MALAT1: variants seen among roughly 807,000 people sequenced by gnomAD.
The protein encoded by MALAT1 is metastasis associated lung adenocarcinoma transcript 1, also known as hepcarcin.
At chr11:65,502,260 T>G in exon 3 of MALAT1, 1 of 516,350 alleles carries the variant, frequency 1.9e-6, no homozygotes, top group South Asian at 1.4e-5. Context: ...GATATGGTAG[T>G]GTGTGGTTCT....
chr11:65,499,489 T>C (rs1407829414), exon 3 of MALAT1: 1 of 464,880 alleles, frequency 2.2e-6, no homozygotes, highest in African/African-American at 2.0e-5. Context: ...GAAGGCGATC[T>C]TTTAAAAAGA....
chr11:65,497,786 G>T (rs1157659806), exon 1 of MALAT1: 1 of 481,688 alleles, frequency 2.1e-6, no homozygotes, highest in South Asian at 1.5e-5. Context: ...CCCCGCAACT[G>T]GCCTCTCCTG....
At chr11:65,502,450 A>T (rs535944691) in exon 3 of MALAT1, 1 of 500,448 alleles carries the variant, frequency 2.0e-6, no homozygotes. Flanking sequence ...TAGGAGAAAT[A>T]CTTTTCCATT....
chr11:65,500,394 C>T (rs763366134), exon 3 of MALAT1: 3 of 518,892 alleles, frequency 5.8e-6, no homozygotes, highest in Non-Finnish European at 1.2e-5. Context: ...TGACAGCTGA[C>T]CCAGGTGCTA....
chr11:65,501,394 C>T (rs746087047), exon 3 of MALAT1: 3 of 518,190 alleles, frequency 5.8e-6, no homozygotes, highest in South Asian at 1.4e-5. Context: ...GAGCAGTTCT[C>T]ACGTTGAGGT....
chr11:65,499,383 T>C (rs1293212544), exon 3 of MALAT1: 2 of 489,964 alleles, frequency 4.1e-6, no homozygotes, highest in Admixed American at 2.2e-5. Context: ...AGCCCCGAAT[T>C]AATACCAATA....
At chr11:65,497,949 G>A (rs779618005) in intron 1 of MALAT1, 6 of 518,854 alleles carry the variant, frequency 1.2e-5, no homozygotes, top group Non-Finnish European at 1.9e-5. Flanking sequence ...TATCTTAGCT[G>A]TCCTTATAGG....
chr11:65,497,998 C>G (rs768382124), intron 1 of MALAT1: 3 of 518,904 alleles, frequency 5.8e-6, no homozygotes, highest in East Asian at 5.4e-5. Context: ...TAAAACCACT[C>G]AAACTCTGCA....
chr11:65,501,894 T>C (rs1287192516), exon 3 of MALAT1: 1 of 517,268 alleles, frequency 1.9e-6, no homozygotes, highest in African/African-American at 1.9e-5. Context: ...CGGTTGGGAT[T>C]GGTGGGGTGG....
At chr11:65,498,168 T>C in intron 1 of MALAT1, 1 of 518,962 alleles carries the variant, frequency 1.9e-6, no homozygotes, top group South Asian at 1.4e-5. Flanking sequence ...GGTGTGTCCC[T>C]GACTGGCTGC....
chr11:65,502,630 TC>T (rs1565053944), exon 3 of MALAT1: 1 of 477,268 alleles, frequency 2.1e-6, no homozygotes, highest in Non-Finnish European at 4.0e-6. Flanking sequence ...TTTTTTTTTT[TC>T]TATAGACTTT....
At chr11:65,501,855 A>G (rs764122348) in exon 3 of MALAT1, 1 of 517,544 alleles carries the variant, frequency 1.9e-6, no homozygotes, top group Admixed American at 2.0e-5. Flanking sequence ...AGGGGCAAAT[A>G]TTGGCAATTA....
exon 3 of MALAT1, chr11:65,499,037 T>C (rs1299490014): frequency 1.9e-6 from 1 of 518,210 alleles, no homozygotes; most frequent in Non-Finnish European, 3.9e-6. Flanking sequence ...TCGCCCGAGC[T>C]GTGCGGTAGG....
At chr11:65,503,071 T>C in exon 3 of MALAT1, 1 of 510,724 alleles carries the variant, frequency 2.0e-6, no homozygotes, top group South Asian at 1.4e-5. Context: ...TGGGATCAAG[T>C]GGATTGAGGA....
At chr11:65,505,187 G>A (rs1182417561) in intron 3 of MALAT1, 1 of 518,778 alleles carries the variant, frequency 1.9e-6, no homozygotes, top group South Asian at 1.4e-5. Flanking sequence ...GATTTTTCAG[G>A]TACCCCTCAC....
chr11:65,498,564 A>C (rs758251407), intron 1 of MALAT1: 2 of 518,772 alleles, frequency 3.9e-6, no homozygotes, highest in Admixed American at 1.9e-5. Context: ...GACTGCAAGC[A>C]GTTGGGGGAG....
chr11:65,506,121 C>G (rs766097930), intron 3 of MALAT1: 1 of 399,524 alleles, frequency 2.5e-6, no homozygotes, highest in Non-Finnish European at 4.8e-6. Flanking sequence ...GCAAAAGATG[C>G]TGGTGGTTGG....
exon 3 of MALAT1, chr11:65,502,024 T>G (rs145491101): frequency 2.8e-4 from 147 of 517,034 alleles, no homozygotes; most frequent in African/African-American, 2.6e-3. Flanking sequence ...CCCAATGATT[T>G]AGTTTTTTTC....
chr11:65,504,504 G>GTGATAA (rs1565056150), intron 3 of MALAT1: 1 of 518,932 alleles, frequency 1.9e-6, no homozygotes. Context: ...ATCCAGCTGA[G>GTGATAA]TGATAAAGGC....
Sources: allele counts gnomAD v4.1 joint callset, GRCh38; gene constraint gnomAD v4.1.1; transcripts MANE v1.5; gene names NCBI Gene and HGNC (gene_info 2026-07-23, HGNC 2026-07-21).